The following PTPRD variants were observed in gnomAD, a reference collection of about 807,000 sequenced individuals.
PTPRD encodes the protein protein tyrosine phosphatase receptor type D, also known as receptor-type tyrosine-protein phosphatase delta.
PTPRD carries 34 observed loss-of-function variants against 214.5 expected under a neutral mutation model. The ratio of observed to expected loss-of-function variants is 0.16; its 90% CI spans 0.12 to 0.21. The LOEUF (loss-of-function observed/expected upper bound fraction) is 0.21. Ranked by LOEUF, PTPRD falls within the 10% of genes least tolerant of loss-of-function variation. The pLI, the probability that PTPRD is intolerant of heterozygous loss-of-function variation, is 1.00. For missense variants in PTPRD, 2,545 were observed against 2,398.7 expected (o/e 1.06, Z -1.27); for synonymous variants, 1,128 against 845.7 (o/e 1.33, Z -5.79).
intron 8 of PTPRD, among the ~76,000 whole-genome samples, chr9:9,571,584 A>G (rs1028933277): frequency 4.0e-5 from 6 of 151,184 alleles, no homozygotes; most frequent in Non-Finnish European, 8.9e-5. Context: ...CCTTAATAAT[A>G]TCATATGGAA....
intron 3 of PTPRD, among the ~76,000 whole-genome samples, chr9:10,065,171 GAAA>G (rs2097853583): frequency 9.3e-5 from 14 of 151,080 alleles, no homozygotes; most frequent in South Asian, 4.2e-4. Context: ...AAGAAAGAAA[GAAA>G]GAAAGAAAGA....
intron 3 of PTPRD, among the ~76,000 whole-genome samples, chr9:10,037,763 C>G (rs1328570015): frequency 6.6e-6 from 1 of 152,026 alleles, no homozygotes; most frequent in Non-Finnish European, 1.5e-5. Flanking sequence ...TTTTGTTAAC[C>G]TGCAACTTTA....
intron 8 of PTPRD, among the ~76,000 whole-genome samples, chr9:9,501,919 A>C (rs905041221): frequency 1.3e-5 from 2 of 151,914 alleles, no homozygotes; most frequent in East Asian, 3.9e-4. Flanking sequence ...GATGCCTCTG[A>C]AGCAATACTT....
At chr9:10,393,672 T>C (rs550023450) in intron 2 of PTPRD, among the ~76,000 whole-genome samples, 1 of 146,666 alleles carries the variant, frequency 6.8e-6, no homozygotes, top group African/African-American at 2.5e-5. Context: ...AGAGAGACAC[T>C]CTATTGGGTC....
rs1423962187 is a variant in PTPRD, at chr9:8,500,308, T to C, written c.2128+446A>G. Among the ~76,000 whole-genome samples the C allele has an allele frequency of 2.6e-5, 4 of 151,694 alleles. No homozygotes were observed. The East Asian group carries it at 7.8e-4, about 29-fold the overall frequency. ...TTTTTCTCATATCAAAGTTATTCCA[T>C]ACAAAAGATGCCAAAAATTCAATGT... On this transcript the variant is annotated intron_variant, in intron 24 of 45. Transcript: ENST00000381196.
At chr9:8,926,922 A>G (rs969734899) in intron 11 of PTPRD, among the ~76,000 whole-genome samples, 3 of 152,188 alleles carry the variant, frequency 2.0e-5, no homozygotes, top group Non-Finnish European at 4.4e-5. Flanking sequence ...ATTTGAGCCC[A>G]GGGAATAATG....
At chr9:8,979,257 C>G (rs1417969307) in intron 11 of PTPRD, among the ~76,000 whole-genome samples, 4 of 151,996 alleles carry the variant, frequency 2.6e-5, no homozygotes, top group Non-Finnish European at 5.9e-5. Flanking sequence ...CTGAAGTATT[C>G]CTAAAAAACT....
chr9:10,256,039 A>G (rs1250887069), intron 3 of PTPRD, among the ~76,000 whole-genome samples: 1 of 152,150 alleles, frequency 6.6e-6, no homozygotes, highest in Admixed American at 6.5e-5. Context: ...TTATCACAGG[A>G]GTGCAAACAC....
At chr9:10,166,374 AT>A (rs58443812) in intron 3 of PTPRD, among the ~76,000 whole-genome samples, 11,697 of 150,820 alleles carry the variant, frequency 0.078, 972 homozygotes, top group East Asian at 0.25. Context: ...GCCAATGCTG[AT>A]TTTTTTTTGT....
chr9:9,834,253 G>A (rs1206889583), intron 5 of PTPRD, among the ~76,000 whole-genome samples: 1 of 151,960 alleles, frequency 6.6e-6, no homozygotes, highest in Non-Finnish European at 1.5e-5. Flanking sequence ...CTAAATCACA[G>A]GTACTACTAT....
intron 10 of PTPRD, among the ~76,000 whole-genome samples, chr9:9,132,879 A>G (rs562467570): frequency 6.6e-6 from 1 of 152,356 alleles, no homozygotes; most frequent in South Asian, 2.1e-4. Flanking sequence ...GCTATATAAA[A>G]GAAGGAGAAT....
At chr9:9,386,378 A>G (rs1051679807) in intron 9 of PTPRD, among the ~76,000 whole-genome samples, 1 of 152,124 alleles carries the variant, frequency 6.6e-6, no homozygotes, top group Non-Finnish European at 1.5e-5. Context: ...TGGTATGTCA[A>G]GCAACATATT....
chr9:8,336,454 T>TAAAG (rs2132022686), intron 43 of PTPRD, among the ~76,000 whole-genome samples: 1 of 123,064 alleles, frequency 8.1e-6, no homozygotes, highest in Non-Finnish European at 1.7e-5. Flanking sequence ...CAAGATGGAT[T>TAAAG]AAAGACTTAA....
intron 12 of PTPRD, among the ~76,000 whole-genome samples, chr9:8,698,758 G>A (rs2154391946): frequency 6.6e-6 from 1 of 152,230 alleles, no homozygotes; most frequent in Non-Finnish European, 1.5e-5. Flanking sequence ...CCTTTTCGCA[G>A]GAAACTAGAT....
intron 14 of PTPRD, among the ~76,000 whole-genome samples, chr9:8,582,374 A>C (rs1037775971): frequency 6.6e-6 from 1 of 152,252 alleles, no homozygotes; most frequent in African/African-American, 2.4e-5. Flanking sequence ...CAAAAAAGCA[A>C]TAATCATAAA....
At chr9:8,596,505 AGAC>A (rs1332381611) in intron 14 of PTPRD, among the ~76,000 whole-genome samples, 11 of 152,120 alleles carry the variant, frequency 7.2e-5, no homozygotes, top group African/African-American at 2.7e-4. Context: ...AGAAAAAAAC[AGAC>A]GACAAGAGGC....
At chr9:8,742,681 AG>A (rs1565721305) in intron 11 of PTPRD, among the ~76,000 whole-genome samples, 1 of 152,232 alleles carries the variant, frequency 6.6e-6, no homozygotes, top group Non-Finnish European at 1.5e-5. Context: ...CACTCTCTAA[AG>A]GGAATAATCT....
chr9:9,959,214 G>C (rs1397530213), intron 4 of PTPRD, among the ~76,000 whole-genome samples: 1 of 152,118 alleles, frequency 6.6e-6, no homozygotes, highest in Non-Finnish European at 1.5e-5. Context: ...ATGCACCTTT[G>C]ATGGCTAAGT....
intron 23 of PTPRD, among the ~76,000 whole-genome samples, chr9:8,501,441 G>A (rs376078197): frequency 6.6e-6 from 1 of 152,098 alleles, no homozygotes; most frequent in African/African-American, 2.4e-5. Context: ...AATAGTGCTA[G>A]TATTTACTTG....
Sources: gnomAD v4.1 joint callset for allele counts (sites outside exome capture counted in the v4.1 genomes callset) on GRCh38, gnomAD v4.1.1 for gene constraint, MANE v1.5 for transcripts, NCBI Gene and HGNC (gene_info 2026-07-23, HGNC 2026-07-21) for gene names.